HDAC9: variants seen among roughly 807,000 people sequenced by gnomAD.
HDAC9 encodes histone deacetylase 9, also known as MEF-2 interacting transcription repressor (MITR) protein.
In HDAC9, 41 loss-of-function variants were observed where a neutral mutation model predicts 139.4. The observed-to-expected ratio is 0.29, with a 90% CI of 0.23 to 0.38. The LOEUF (loss-of-function observed/expected upper bound fraction) is 0.38, where lower values mean the gene tolerates loss of function less well. Ranked by LOEUF, HDAC9 falls within the 10% of genes least tolerant of loss-of-function variation. HDAC9 has a pLI of 1.00. For missense variants in HDAC9, 1,147 were observed against 1,297.0 expected (o/e 0.88, Z 1.78); for synonymous variants, 517 against 476.2 (o/e 1.09, Z -1.12).
At chr7:18,614,774 C>CT (rs1838133960) in intron 6 of HDAC9, among the ~76,000 whole-genome samples, 1 of 152,142 alleles carries the variant, frequency 6.6e-6, no homozygotes, top group Non-Finnish European at 1.5e-5. Context: ...TAGTGTTCTT[C>CT]TTTGAGCCCC....
At chr7:18,746,237 T>C (rs1270129443) in intron 13 of HDAC9, among the ~76,000 whole-genome samples, 1 of 152,244 alleles carries the variant, frequency 6.6e-6, no homozygotes, top group Non-Finnish European at 1.5e-5. Context: ...ACTATCACTT[T>C]TTATTTTATG....
chr7:18,469,171 A>G (rs1019589313), intron 1 of HDAC9, among the ~76,000 whole-genome samples: 3 of 152,150 alleles, frequency 2.0e-5, no homozygotes, highest in African/African-American at 7.2e-5. Flanking sequence ...TGTGGGAAGG[A>G]GCTAAGATTT....
chr7:18,800,545 T>A (rs921969182), intron 17 of HDAC9, among the ~76,000 whole-genome samples: 1 of 152,170 alleles, frequency 6.6e-6, no homozygotes, highest in Non-Finnish European at 1.5e-5. Flanking sequence ...TTATAATTTC[T>A]TCTTGGGCAA....
In HDAC9 at chr7:18,949,609, A is replaced by C. The variant is rs2051920; in HGVS notation, c.2938-4537A>C. ...CGATGTGCAATTCATCATAGGTACCAGCTCCTGAACTGGCCATTCTTAAAG... is the reference window on the plus strand; with the variant it reads ...CGATGTGCAATTCATCATAGGTACCCGCTCCTGAACTGGCCATTCTTAAAG... On this transcript the variant is annotated intron_variant, in intron 23 of 25. Transcript: ENST00000686413. 4 of 173,368 alleles carry C rather than the reference A, an allele frequency of 2.3e-5. No individual in the cohort carries two copies. The East Asian group carries it at 6.4e-4, about 28-fold the overall frequency. 10.7% of individuals were successfully genotyped at this position (173,368 alleles called of 1,614,324 possible). A position where few individuals can be genotyped will look rare whatever the true frequency, so the allele number is the denominator to read the frequency against.
chr7:18,391,781 A>C (rs759489000), intron 1 of HDAC9, among the ~76,000 whole-genome samples: 9 of 152,202 alleles, frequency 5.9e-5, no homozygotes, highest in Non-Finnish European at 1.2e-4. Flanking sequence ...CAAGTTACTT[A>C]ATCTTTTTGC....
intron 17 of HDAC9, among the ~76,000 whole-genome samples, chr7:18,813,710 G>A (rs1425877183): frequency 1.3e-5 from 2 of 152,134 alleles, no homozygotes; most frequent in Admixed American, 6.5e-5. Flanking sequence ...GCCTCCTGTT[G>A]TACCAGTGCT....
intron 11 of HDAC9, among the ~76,000 whole-genome samples, chr7:18,658,916 AAACAAC>A (rs751673776): frequency 9.1e-4 from 138 of 151,478 alleles, no homozygotes; most frequent in Non-Finnish European, 1.6e-3. Context: ...AAAAAAAACA[AAACAAC>A]AACAACAACT....
intron 2 of HDAC9, among the ~76,000 whole-genome samples, chr7:18,207,168 A>T (rs1791582994): frequency 1.3e-5 from 2 of 151,816 alleles, no homozygotes; most frequent in African/African-American, 4.8e-5. Flanking sequence ...GAACTCCTGA[A>T]CTCAAAGCAA....
rs1786535685 is a variant in HDAC9, at chr7:18,392,045, T to G, written c.-42+101530T>G. Among the ~76,000 whole-genome samples, 3 of 152,158 alleles carry G rather than the reference T, an allele frequency of 2.0e-5. No individual in the cohort carries two copies. The South Asian group carries it at 6.2e-4, about 31-fold the overall frequency. ...CCTCATAATTTAACTAGCAATTTCT[T>G]TAATGAGGTGAGCAAGACACAGTGA... On this transcript the variant is annotated intron_variant, in intron 1 of 3. Transcript: ENST00000413509.
chr7:18,517,703 T>G (rs1215350205), intron 2 of HDAC9: 1 of 152,204 alleles, frequency 6.6e-6, no homozygotes, highest in Non-Finnish European at 1.5e-5. Flanking sequence ...ACAGGATGCC[T>G]TAATTAAAGA....
At chr7:18,391,887 C>T (rs1222024473) in intron 1 of HDAC9, among the ~76,000 whole-genome samples, 1 of 152,216 alleles carries the variant, frequency 6.6e-6, no homozygotes, top group Non-Finnish European at 1.5e-5. Context: ...CTAGTGCTCA[C>T]AGCAGAGCCT....
At chr7:18,946,250 T>C (rs1319469262) in intron 23 of HDAC9, among the ~76,000 whole-genome samples, 2 of 152,012 alleles carry the variant, frequency 1.3e-5, no homozygotes, top group Non-Finnish European at 2.9e-5. Flanking sequence ...TTGTTTTTCT[T>C]CTTCAAGACA....
chr7:18,681,452 T>G (rs1194852447), intron 12 of HDAC9, among the ~76,000 whole-genome samples: 1 of 152,016 alleles, frequency 6.6e-6, no homozygotes. Context: ...TTATTATATT[T>G]CTTTAGTTTC....
intron 2 of HDAC9, among the ~76,000 whole-genome samples, chr7:18,279,914 G>T (rs997835713): frequency 2.0e-5 from 3 of 152,008 alleles, no homozygotes; most frequent in African/African-American, 7.2e-5. Flanking sequence ...ATCTCTTCTG[G>T]CTAGTGTCGA....
chr7:18,566,250 A>C (rs1742389026), intron 2 of HDAC9, among the ~76,000 whole-genome samples: 1 of 152,204 alleles, frequency 6.6e-6, no homozygotes, highest in Non-Finnish European at 1.5e-5. Context: ...TTTGACCACA[A>C]CTGAATTTTA....
At chr7:18,800,158 A>G (rs2129183212) in intron 17 of HDAC9, among the ~76,000 whole-genome samples, 1 of 152,342 alleles carries the variant, frequency 6.6e-6, no homozygotes, top group South Asian at 2.1e-4. Flanking sequence ...TTCTATGTCC[A>G]ACAAATCTGT....
chr7:18,899,151 T>G (rs1449171367), intron 22 of HDAC9, among the ~76,000 whole-genome samples: 2 of 152,010 alleles, frequency 1.3e-5, no homozygotes, highest in East Asian at 1.9e-4. Flanking sequence ...TTTGGCTGAT[T>G]GAAAACATAA....
intron 2 of HDAC9, among the ~76,000 whole-genome samples, chr7:18,229,718 C>G (rs891229082): frequency 6.6e-6 from 1 of 152,256 alleles, no homozygotes; most frequent in Middle Eastern, 3.4e-3. Context: ...GGATATTTTA[C>G]TTATTCCTGA....
At chr7:18,180,975 T>G (rs567673404) in intron 2 of HDAC9, among the ~76,000 whole-genome samples, 1 of 152,300 alleles carries the variant, frequency 6.6e-6, no homozygotes, top group East Asian at 1.9e-4. Context: ...TCACATTGCC[T>G]TCTTTTGCGT....
Sources: gnomAD v4.1 joint callset for allele counts (sites outside exome capture counted in the v4.1 genomes callset) on GRCh38, gnomAD v4.1.1 for gene constraint, MANE v1.5 for transcripts, NCBI Gene and HGNC (gene_info 2026-07-23, HGNC 2026-07-21) for gene names.